KCND2: variants seen among roughly 807,000 people sequenced by gnomAD.
The protein encoded by KCND2 is A-type voltage-gated potassium channel KCND2.
A neutral mutation model predicts 54.4 loss-of-function variants in KCND2; 16 were observed. That is an observed-to-expected ratio of 0.29 (90% CI 0.20 to 0.45). KCND2 has a LOEUF of 0.45. Among genes scored for constraint, KCND2 ranks in the 20% least tolerant of loss-of-function variants. KCND2 has a pLI of 1.00. For synonymous variants in KCND2, 317 were observed against 310.7 expected (o/e 1.02, Z -0.21); for missense variants, 486 against 824.2 (o/e 0.59, Z 5.02).
At chr7:120,514,701 C>G (rs1803171296) in intron 1 of KCND2, among the ~76,000 whole-genome samples, 1 of 151,954 alleles carries the variant, frequency 6.6e-6, no homozygotes, top group Non-Finnish European at 1.5e-5. Flanking sequence ...TTTCCATGGA[C>G]AGGAGCTGGT....
intron 1 of KCND2, among the ~76,000 whole-genome samples, chr7:120,311,698 A>G (rs576068453): frequency 6.6e-6 from 1 of 151,722 alleles, no homozygotes; most frequent in Non-Finnish European, 1.5e-5. Flanking sequence ...CTCATTAGTT[A>G]TTTTTTCTGA....
At chr7:120,291,970 A>T (rs1296021920) in intron 1 of KCND2, among the ~76,000 whole-genome samples, 1 of 151,828 alleles carries the variant, frequency 6.6e-6, no homozygotes, top group Non-Finnish European at 1.5e-5. Context: ...TCCAGGATAC[A>T]TGTAAACTAA....
intron 1 of KCND2, among the ~76,000 whole-genome samples, chr7:120,439,809 C>T (rs1801923331): frequency 6.6e-6 from 1 of 152,032 alleles, no homozygotes; most frequent in South Asian, 2.1e-4. Flanking sequence ...CTTGCAGGCT[C>T]ATCCCTGTTG....
intron 1 of KCND2, among the ~76,000 whole-genome samples, chr7:120,396,397 A>G (rs1801156489): frequency 6.6e-6 from 1 of 151,788 alleles, no homozygotes; most frequent in African/African-American, 2.4e-5. Context: ...TCCATGCCAC[A>G]CTCCTAATTT....
intron 1 of KCND2, among the ~76,000 whole-genome samples, chr7:120,293,577 G>A (rs1000259697): frequency 6.6e-5 from 10 of 151,790 alleles, no homozygotes; most frequent in African/African-American, 2.4e-4. Flanking sequence ...GACACATATG[G>A]CTTTCCTGTT....
intron 1 of KCND2, among the ~76,000 whole-genome samples, chr7:120,680,862 T>G (rs909187771): frequency 6.6e-5 from 10 of 152,070 alleles, no homozygotes; most frequent in African/African-American, 2.4e-4. Flanking sequence ...TGATAATTTT[T>G]GTTTTAAATA....
rs940413504 is a variant in KCND2, at chr7:120,547,338, A to T, written c.1116-185565A>T. 2.6e-5 allele frequency among the ~76,000 whole-genome samples: 4 copies of T among 152,092 alleles called. No homozygotes were observed. In the East Asian group the frequency reaches 7.7e-4, roughly 29 times the overall value. ...TGAAATCATTCTCCATTCTACTCTA[A>T]TGTTAACTGAAGAGGTTCTGCCTCT... On this transcript the variant is annotated intron_variant, in intron 1 of 5. Transcript: ENST00000331113.
At chr7:120,483,600 C>T (rs542659261) in intron 1 of KCND2, among the ~76,000 whole-genome samples, 21 of 151,888 alleles carry the variant, frequency 1.4e-4, no homozygotes, top group Non-Finnish European at 2.5e-4. Flanking sequence ...GATGATTCAT[C>T]GAAGTGAGAG....
At position 120,591,044 on chromosome 7, in the gene KCND2, A is replaced by T. The variant is rs144044969; in HGVS notation, c.1116-141859A>T. Among the ~76,000 whole-genome samples the T allele has an allele frequency of 4.9e-3, 745 of 152,232 alleles. 8 individuals are homozygous for T. Among genetic ancestry groups the T allele is most frequent in the African/African-American group, 0.017 (705 of 41,522 alleles). On this transcript the variant is annotated intron_variant, in intron 1 of 5. Coordinates refer to ENST00000331113, the MANE Select transcript of KCND2 (RefSeq NM_012281.3). ...TGGATTAATTATTTTTCCTACTATG[A>T]TAATGCTTCATCTCAATTTCCCACA...
intron 1 of KCND2, among the ~76,000 whole-genome samples, chr7:120,679,561 G>A (rs1340912207): frequency 6.6e-6 from 1 of 151,954 alleles, no homozygotes; most frequent in Admixed American, 6.6e-5. Flanking sequence ...AGACAATCCT[G>A]CATGTATTTA....
chr7:120,745,734 A>C, intron 4 of KCND2, 46 bp from the exon 5 acceptor site: 1 of 1,610,316 alleles, frequency 6.2e-7, no homozygotes. Context: ...TTCGTTTTTA[A>C]AAATGTGCTT....
intron 1 of KCND2, among the ~76,000 whole-genome samples, chr7:120,657,557 C>G (rs1203894222): frequency 2.0e-5 from 3 of 152,168 alleles, no homozygotes; most frequent in African/African-American, 7.2e-5. Context: ...TCAAAAACAG[C>G]AAGTTGAGGC....
At chr7:120,375,068 G>A (rs1253464922) in intron 1 of KCND2, among the ~76,000 whole-genome samples, 1 of 151,692 alleles carries the variant, frequency 6.6e-6, no homozygotes, top group Non-Finnish European at 1.5e-5. Flanking sequence ...AATAATGCCA[G>A]GAACATATTA....
intron 1 of KCND2, among the ~76,000 whole-genome samples, chr7:120,531,963 A>G (rs960265578): frequency 6.6e-6 from 1 of 151,866 alleles, no homozygotes; most frequent in African/African-American, 2.4e-5. Context: ...TTATTGTGTA[A>G]TCTCTCAGTC....
intron 1 of KCND2, among the ~76,000 whole-genome samples, chr7:120,435,269 G>C (rs1385078275): frequency 7.2e-6 from 1 of 139,124 alleles, no homozygotes; most frequent in Non-Finnish European, 1.5e-5. Context: ...ACCATGCCTG[G>C]CTTTTTTTTT....
At chr7:120,519,131 C>G (rs1803242809) in intron 1 of KCND2, among the ~76,000 whole-genome samples, 1 of 152,014 alleles carries the variant, frequency 6.6e-6, no homozygotes, top group South Asian at 2.1e-4. Context: ...AGTTCGAGAT[C>G]AGACTAGTCA....
chr7:120,289,724 C>T (rs779849125), intron 1 of KCND2, among the ~76,000 whole-genome samples: 1 of 152,010 alleles, frequency 6.6e-6, no homozygotes, highest in Non-Finnish European at 1.5e-5. Flanking sequence ...CAGACATAAA[C>T]GTCAGCCAAG....
chr7:120,684,453 A>C (rs192543278), intron 1 of KCND2, among the ~76,000 whole-genome samples: 1 of 152,162 alleles, frequency 6.6e-6, no homozygotes, highest in Non-Finnish European at 1.5e-5. Flanking sequence ...ATATTTTTCA[A>C]TGTATTTCCA....
chr7:120,280,789 A>G (rs1799248344), intron 1 of KCND2, among the ~76,000 whole-genome samples: 1 of 152,100 alleles, frequency 6.6e-6, no homozygotes, highest in Non-Finnish European at 1.5e-5. Flanking sequence ...TGAAGACCCT[A>G]AAACATTATC....
Sources: gnomAD v4.1 joint callset for allele counts (sites outside exome capture counted in the v4.1 genomes callset) on GRCh38, gnomAD v4.1.1 for gene constraint, MANE v1.5 for transcripts, NCBI Gene and HGNC (gene_info 2026-07-23, HGNC 2026-07-21) for gene names.